The following NDUFA8 variants were observed in gnomAD, a reference collection of about 807,000 sequenced individuals.
NDUFA8 encodes the protein NADH:ubiquinone oxidoreductase subunit A8.
In NDUFA8, 16 loss-of-function variants were observed where a neutral mutation model predicts 20.9. That is an observed-to-expected ratio of 0.77 (90% CI 0.52 to 1.16). The LOEUF (loss-of-function observed/expected upper bound fraction) is 1.16. NDUFA8 is among the 50% of genes most tolerant of loss of function. The pLI is 0.00. For missense variants in NDUFA8, 202 were observed against 216.4 expected (o/e 0.93, Z 0.42); for synonymous variants, 70 against 76.1 (o/e 0.92, Z 0.41).
At chr9:122,147,911 C>A (rs1828930319) in intron 3 of NDUFA8, among the ~76,000 whole-genome samples, 1 of 152,192 alleles carries the variant, frequency 6.6e-6, no homozygotes, top group African/African-American at 2.4e-5. Context: ...CAGGCGTGAG[C>A]CACCACGCCC....
At chr9:122,139,258 C>T (rs1307615589), downstream of NDUFA8, among the ~76,000 whole-genome samples, 1 of 152,198 alleles carries the variant, frequency 6.6e-6, no homozygotes, top group African/African-American at 2.4e-5. Context: ...TCCACTCTTT[C>T]ACTGGCTGGC....
At chr9:122,136,079 CT>C in the NDUFA8 span, among the ~76,000 whole-genome samples, 1 of 152,230 alleles carries the variant, frequency 6.6e-6, no homozygotes, top group Non-Finnish European at 1.5e-5. Flanking sequence ...CTTTTCACAG[CT>C]GTTCGGGATC....
intron 1 of NDUFA8, among the ~76,000 whole-genome samples, chr9:122,157,296 C>T (rs1266406223): frequency 1.3e-5 from 2 of 152,206 alleles, no homozygotes; most frequent in East Asian, 3.8e-4. Flanking sequence ...CCAAAAAGTG[C>T]TTTCTCTATT....
At position 122,148,027 on chromosome 9, in the gene NDUFA8, T is replaced by C; in HGVS notation, c.381+85A>G. Reference sequence around the variant, plus strand: ...GGTAAGTTCTTACATCATATCTGTATTTACAGAGACCCTTTGCTGACCACC... The same window carrying C: ...GGTAAGTTCTTACATCATATCTGTACTTACAGAGACCCTTTGCTGACCACC... On this transcript the variant is annotated intron_variant, in intron 3 of 3. Coordinates refer to ENST00000373768, the MANE Select transcript of NDUFA8 (RefSeq NM_014222.3). 14 of 1,507,614 alleles carry C rather than the reference T, an allele frequency of 9.3e-6. No homozygotes were observed. The South Asian group carries it at 1.5e-4, about 16-fold the overall frequency. The allele number at this position is 1,507,614 out of a possible 1,614,324, so 93.4% of individuals were successfully genotyped here. A position where few individuals can be genotyped will look rare whatever the true frequency, so the allele number is the denominator to read the frequency against.
At position 122,144,214 on chromosome 9, in the gene NDUFA8, G is replaced by T; in HGVS notation, c.*27C>A. On this transcript the variant is annotated 3_prime_UTR_variant, in exon 4 of 4. Transcript: ENST00000373768. ...TTCATCAGTCGTTGTCTGAGCACATGACCGAGTGTGGGCCACGGACCCATC... is the reference window on the plus strand; with the variant it reads ...TTCATCAGTCGTTGTCTGAGCACATTACCGAGTGTGGGCCACGGACCCATC... The T allele has an allele frequency of 6.2e-7, 1 of 1,612,890 alleles. No individual in the cohort carries two copies. The highest frequency in any genetic ancestry group is 1.1e-5 in the South Asian group (1 of 90,932).
At chr9:122,141,103 G>A (rs994084191), downstream of NDUFA8, among the ~76,000 whole-genome samples, 3 of 152,194 alleles carry the variant, frequency 2.0e-5, no homozygotes, top group African/African-American at 7.2e-5. Context: ...TCCTGGCAAG[G>A]GGATAGCATT....
the NDUFA8 span, among the ~76,000 whole-genome samples, chr9:122,136,886 T>A: frequency 0.18 from 27,263 of 152,078 alleles, 4,011 homozygotes; most frequent in African/African-American, 0.41. Context: ...TGGGTGTTTA[T>A]CTCCCAACTT....
intron 1 of NDUFA8, 148 bp from the exon 2 acceptor site, chr9:122,152,556 T>A (rs1026114699): frequency 3.3e-5 from 5 of 149,890 alleles, no homozygotes; most frequent in Non-Finnish European, 3.8e-5. Flanking sequence ...ATAATAATAA[T>A]TTTTTTTTTT....
intron 1 of NDUFA8, among the ~76,000 whole-genome samples, chr9:122,159,405 G>A (rs1265401626): frequency 1.3e-5 from 2 of 152,172 alleles, no homozygotes; most frequent in Admixed American, 6.5e-5. Flanking sequence ...GGCGAAAGGG[G>A]GAGGATTCTA....
the NDUFA8 span, among the ~76,000 whole-genome samples, chr9:122,135,081 T>G: frequency 6.6e-6 from 1 of 152,224 alleles, no homozygotes; most frequent in Non-Finnish European, 1.5e-5. Context: ...GGGGCCCCCG[T>G]GCTGGGGGCC....
the NDUFA8 span, among the ~76,000 whole-genome samples, chr9:122,138,879 TCTGAGCAGAGGA>T: frequency 7.3e-5 from 8 of 110,310 alleles, 1 homozygote; most frequent in Non-Finnish European, 1.6e-4. Flanking sequence ...GGGGGGGCCA[TCTGAGCAGAGGA>T]CACAGCAAGA....
chr9:122,145,156 T>C (rs1302225112), intron 3 of NDUFA8, among the ~76,000 whole-genome samples: 2 of 152,230 alleles, frequency 1.3e-5, no homozygotes, highest in African/African-American at 4.8e-5. Flanking sequence ...TTAAATGATA[T>C]GCAAAGGTGT....
At chr9:122,158,687 TTG>T (rs751989662) in intron 1 of NDUFA8, among the ~76,000 whole-genome samples, 211 of 149,120 alleles carry the variant, frequency 1.4e-3, no homozygotes, top group African/African-American at 4.7e-3. Flanking sequence ...ATATGACCAA[TTG>T]TGTGTGTGTA....
chr9:122,159,648 T>A lies in NDUFA8; in HGVS notation c.30A>T (p.Leu10=). Residue 10 remains leucine, a synonymous_variant, in exon 1 of 4, where the codon CTA becomes CTT. Coordinates refer to ENST00000373768, the MANE Select transcript of NDUFA8 (RefSeq NM_014222.3). ...TCACCTCATCTACTTTCAGCTCCTC[T>A]AGAGTGGGCAGCTCCACTATCCCCG... MPGIVELPT[L]EELKVDEVKI... 1 of 1,614,124 alleles carries A rather than the reference T, an allele frequency of 6.2e-7. No homozygotes were observed. The highest frequency in any genetic ancestry group is 8.5e-7 in the Non-Finnish European group (1 of 1,180,004).
intron 2 of NDUFA8, among the ~76,000 whole-genome samples, chr9:122,148,964 G>A (rs535763237): frequency 2.6e-5 from 4 of 152,092 alleles, no homozygotes; most frequent in East Asian, 1.9e-4. Flanking sequence ...TGTATAAAAA[G>A]AATAAGTTTC....
chr9:122,136,176 C>G, the NDUFA8 span, among the ~76,000 whole-genome samples: 1 of 152,110 alleles, frequency 6.6e-6, no homozygotes, highest in African/African-American at 2.4e-5. Context: ...TCTCTCTTCA[C>G]TTTTTACAAG....
At chr9:122,145,900 C>T (rs527669368) in intron 3 of NDUFA8, among the ~76,000 whole-genome samples, 15 of 152,206 alleles carry the variant, frequency 9.9e-5, no homozygotes, top group East Asian at 7.7e-4. Context: ...CTGTAATCCC[C>T]GCACTCTGGG....
chr9:122,148,864 T>C (rs570103177), intron 2 of NDUFA8, among the ~76,000 whole-genome samples: 3 of 152,324 alleles, frequency 2.0e-5, no homozygotes, highest in East Asian at 3.9e-4. Flanking sequence ...AACAAAGTTA[T>C]ATTATATTTG....
intron 3 of NDUFA8, among the ~76,000 whole-genome samples, chr9:122,147,910 G>T (rs1439781505): frequency 6.6e-6 from 1 of 152,190 alleles, no homozygotes; most frequent in African/African-American, 2.4e-5. Flanking sequence ...ACAGGCGTGA[G>T]CCACCACGCC....
Sources: gnomAD v4.1 joint callset for allele counts (sites outside exome capture counted in the v4.1 genomes callset) on GRCh38, gnomAD v4.1.1 for gene constraint, MANE v1.5 for transcripts, NCBI Gene and HGNC (gene_info 2026-07-23, HGNC 2026-07-21) for gene names.